The following ITGA8 variants were observed in gnomAD, a reference collection of about 807,000 sequenced individuals.
ITGA8 encodes the protein integrin subunit alpha 8, also known as integrin alpha-8.
Under a neutral mutation model 142.3 loss-of-function variants are expected in ITGA8, and 91 were observed. The ratio of observed to expected loss-of-function variants is 0.64; its 90% CI spans 0.54 to 0.76. The LOEUF (loss-of-function observed/expected upper bound fraction) is 0.76. Ranked by LOEUF, ITGA8 falls within the 30% of genes least tolerant of loss-of-function variation. The pLI, the probability that ITGA8 is intolerant of heterozygous loss-of-function variation, is 0.00. For missense variants in ITGA8, 1,406 were observed against 1,327.7 expected, an observed-to-expected ratio of 1.06 and a Z score of -0.92; for synonymous variants, 505 against 485.2, an observed-to-expected ratio of 1.04 and a Z score of -0.54.
chr10:15,661,853 G>A (rs777704621), intron 8 of ITGA8, among the ~76,000 whole-genome samples: 3 of 152,100 alleles, frequency 2.0e-5, no homozygotes, highest in Non-Finnish European at 4.4e-5. Flanking sequence ...GAGACTGCCA[G>A]GAAAGTTGAC....
chr10:15,660,751 A>G, intron 9 of ITGA8, 128 bp downstream of exon 9: 3 of 723,860 alleles, frequency 4.1e-6, no homozygotes, highest in Non-Finnish European at 7.0e-6. Context: ...TCGGTGGATT[A>G]GGTGTATTAA....
Position 15,608,272 on chromosome 10 carries a change from A to C in ITGA8, c.1572T>G (p.Cys524Trp). 6.3e-7 allele frequency: 1 copy of C among 1,593,872 alleles called. No homozygotes were observed. Among genetic ancestry groups the C allele is most frequent in the Non-Finnish European group, 8.5e-7 (1 of 1,171,906 alleles). The change falls in exon 16 of 30, where the codon TGT becomes TGG. Residue 524 changes from cysteine (C) to tryptophan (W), a missense_variant. Transcript: ENST00000378076. ...TSAACFSLRV[C>W]ASVTGQSIAN... is the part of the protein sequence containing the mutation. ...CAATGCTCTGGCCTGTGACAGATGC[A>C]CATACTCTTAAAGAAAAGCTATAGA...
chr10:15,540,979 T>C (rs1360309213), intron 27 of ITGA8, among the ~76,000 whole-genome samples: 2 of 152,222 alleles, frequency 1.3e-5, no homozygotes, highest in Non-Finnish European at 2.9e-5. Context: ...CTGGAAGTTA[T>C]TGCCCCTTTG....
intron 20 of ITGA8, among the ~76,000 whole-genome samples, chr10:15,602,142 G>C (rs186139260): frequency 1.9e-3 from 282 of 152,336 alleles, no homozygotes; most frequent in African/African-American, 6.6e-3. Context: ...AGTGAAGTCA[G>C]GGGTGGAGTG....
At chr10:15,527,905 G>GC (rs1833207116) in intron 28 of ITGA8, among the ~76,000 whole-genome samples, 1 of 97,140 alleles carries the variant, frequency 1.0e-5, no homozygotes, top group Non-Finnish European at 1.9e-5. Context: ...TTTCGGCTGG[G>GC]CTTTTTTTTT....
intron 23 of ITGA8, among the ~76,000 whole-genome samples, chr10:15,583,830 T>G (rs528819862): frequency 5.9e-5 from 9 of 152,218 alleles, no homozygotes; most frequent in Non-Finnish European, 1.0e-4. Context: ...TGAATTTTAC[T>G]TTATGTAATT....
intron 15 of ITGA8, 167 bp downstream of exon 15, chr10:15,613,492 CA>C (rs1334432523): frequency 2.5e-5 from 16 of 640,424 alleles, no homozygotes; most frequent in Non-Finnish European, 3.9e-5. Flanking sequence ...CCTTGCTACT[CA>C]AACTTCGGCC....
chr10:15,653,854 A>C (rs181821155), intron 11 of ITGA8, among the ~76,000 whole-genome samples: 35 of 141,450 alleles, frequency 2.5e-4, no homozygotes, highest in African/African-American at 8.4e-4. Context: ...TTCTTGTTTG[A>C]GACAGAGTCT....
intron 23 of ITGA8, 92 bp from the exon 24 acceptor site, chr10:15,575,686 G>C: frequency 1.9e-6 from 2 of 1,031,992 alleles, no homozygotes; most frequent in Non-Finnish European, 3.0e-6. Context: ...GCAGAAGAAA[G>C]TGGTTTTCAA....
chr10:15,588,187 A>C (rs1207223988), intron 22 of ITGA8, among the ~76,000 whole-genome samples: 12 of 152,198 alleles, frequency 7.9e-5, no homozygotes, highest in Non-Finnish European at 1.0e-4. Flanking sequence ...GCTGGAAAGG[A>C]TATGATAAAA....
intron 22 of ITGA8, among the ~76,000 whole-genome samples, chr10:15,587,565 G>T (rs758500667): frequency 7.9e-5 from 12 of 152,112 alleles, no homozygotes; most frequent in Non-Finnish European, 1.5e-4. Flanking sequence ...CAGCTAACTA[G>T]GACAAGGAGT....
intron 13 of ITGA8, among the ~76,000 whole-genome samples, chr10:15,634,777 T>A (rs1833742179): frequency 6.6e-6 from 1 of 152,078 alleles, no homozygotes; most frequent in Non-Finnish European, 1.5e-5. Context: ...AAATAAGAAC[T>A]GTAGAGGGAC....
intron 8 of ITGA8, among the ~76,000 whole-genome samples, chr10:15,670,262 C>A (rs1462615115): frequency 6.6e-6 from 1 of 152,254 alleles, no homozygotes; most frequent in South Asian, 2.1e-4. Context: ...AAATATTACC[C>A]GTTGAGTGAA....
chr10:15,641,119 T>A (rs1181393429), intron 13 of ITGA8, among the ~76,000 whole-genome samples: 1 of 152,110 alleles, frequency 6.6e-6, no homozygotes, highest in African/African-American at 2.4e-5. Context: ...AGTGGCGCGA[T>A]ATCGGCTCAC....
chr10:15,645,763 C>T (rs1221033796), intron 12 of ITGA8, among the ~76,000 whole-genome samples: 2 of 152,040 alleles, frequency 1.3e-5, no homozygotes, highest in Non-Finnish European at 2.9e-5. Context: ...ACTAAAGAAC[C>T]TGAAGTGCAT....
At chr10:15,624,523 A>G (rs1382521973) in intron 13 of ITGA8, among the ~76,000 whole-genome samples, 1 of 152,104 alleles carries the variant, frequency 6.6e-6, no homozygotes, top group Non-Finnish European at 1.5e-5. Context: ...CCACTGAGAG[A>G]CAGCCAGTTT....
chr10:15,522,847 A>G (rs1833095748), intron 28 of ITGA8, among the ~76,000 whole-genome samples: 1 of 152,138 alleles, frequency 6.6e-6, no homozygotes, highest in Non-Finnish European at 1.5e-5. Context: ...CTCTGTCTCT[A>G]CTAAAAATAT....
intron 14 of ITGA8, among the ~76,000 whole-genome samples, chr10:15,615,044 T>C (rs1588676592): frequency 6.6e-6 from 1 of 152,168 alleles, no homozygotes; most frequent in African/African-American, 2.4e-5. Flanking sequence ...GAGCCAAATT[T>C]GCCCGTGAGA....
intron 25 of ITGA8, among the ~76,000 whole-genome samples, chr10:15,561,093 T>C (rs963932593): frequency 6.6e-6 from 1 of 151,490 alleles, no homozygotes; most frequent in African/African-American, 2.4e-5. Flanking sequence ...TCTTGCTATG[T>C]TGCCAAGGCT....
Sources: gnomAD v4.1 joint callset for allele counts (sites outside exome capture counted in the v4.1 genomes callset) on GRCh38, gnomAD v4.1.1 for gene constraint, MANE v1.5 for transcripts, NCBI Gene and HGNC (gene_info 2026-07-23, HGNC 2026-07-21) for gene names.